Variants in DOCK2 observed in about 807,000 individuals in gnomAD.
DOCK2 encodes the protein dedicator of cytokinesis protein 2.
A neutral mutation model predicts 248.9 loss-of-function variants in DOCK2; 87 were observed. That is an observed-to-expected ratio of 0.35 (90% confidence interval 0.29 to 0.42). The LOEUF is 0.42. DOCK2 is among the 10% of genes least tolerant of loss of function. The probability of loss-of-function intolerance (pLI) is 1.00; values close to 1 mark genes in which losing one functional copy is unlikely to be tolerated. For synonymous variants in DOCK2, 805 were observed against 821.6 expected, an observed-to-expected ratio of 0.98 and a Z score of 0.35; for missense variants, 1,747 against 2,300.2, an observed-to-expected ratio of 0.76 and a Z score of 4.92.
intron 27 of DOCK2, among the ~76,000 whole-genome samples, chr5:169,945,917 G>A (rs949907461): frequency 1.2e-4 from 18 of 152,160 alleles, no homozygotes; most frequent in African/African-American, 1.9e-4. Flanking sequence ...CCAGAAAAGC[G>A]AGCATCCCCC....
At position 169,968,520 on chromosome 5, in the gene DOCK2, T is replaced by C. The variant is rs1012874664; in HGVS notation, c.2800-14548T>C. On this transcript the variant is annotated intron_variant, in intron 27 of 51. Transcript: ENST00000520908. ...TGGAAGAAACATTGGGGGGTCAATG[T>C]TCAGGGGGCCCAAGTGTTCTTCGAC... 3.9e-5 allele frequency among the ~76,000 whole-genome samples: 6 copies of C among 152,156 alleles called. No individual in the cohort carries two copies. The South Asian group carries it at 1.2e-3, about 32-fold the overall frequency.
intron 22 of DOCK2, among the ~76,000 whole-genome samples, chr5:169,744,363 A>C (rs1763491062): frequency 6.6e-6 from 1 of 152,188 alleles, no homozygotes; most frequent in African/African-American, 2.4e-5. Flanking sequence ...TATTTATAAG[A>C]TGGTGAAGCC....
intron 2 of DOCK2, among the ~76,000 whole-genome samples, chr5:169,665,409 T>A (rs1377623200): frequency 6.7e-6 from 1 of 150,230 alleles, no homozygotes; most frequent in Non-Finnish European, 1.5e-5. Flanking sequence ...AACTTATATA[T>A]GTGTGTGTAT....
chr5:170,016,591 T>G (rs1346291233), intron 32 of DOCK2, among the ~76,000 whole-genome samples: 3 of 152,242 alleles, frequency 2.0e-5, no homozygotes, highest in African/African-American at 7.2e-5. Context: ...CAACTGACTG[T>G]AAAGAATGCA....
chr5:169,705,956 C>G (rs1354787030), intron 14 of DOCK2, among the ~76,000 whole-genome samples: 1 of 152,178 alleles, frequency 6.6e-6, no homozygotes, highest in Non-Finnish European at 1.5e-5. Context: ...AATTGGGGGC[C>G]ATGGGGATAG....
At chr5:170,058,979 C>G (rs1443351347) in intron 44 of DOCK2, among the ~76,000 whole-genome samples, 2 of 152,138 alleles carry the variant, frequency 1.3e-5, no homozygotes, top group Non-Finnish European at 2.9e-5. Flanking sequence ...TATGCATGAT[C>G]TCATTTCAAC....
intron 38 of DOCK2, among the ~76,000 whole-genome samples, 175 bp from the exon 39 acceptor site, chr5:170,045,641 G>A (rs1297216588): frequency 6.6e-6 from 1 of 152,178 alleles, no homozygotes; most frequent in Non-Finnish European, 1.5e-5. Flanking sequence ...AGAGGCCAGA[G>A]GAAGGTCGTC....
chr5:169,800,655 C>A (rs2113116698), intron 25 of DOCK2, among the ~76,000 whole-genome samples: 1 of 152,312 alleles, frequency 6.6e-6, no homozygotes, highest in African/African-American at 2.4e-5. Flanking sequence ...CTGAAGCATT[C>A]AATTTGTTTT....
chr5:169,679,529 T>G (rs1004636048), intron 6 of DOCK2, among the ~76,000 whole-genome samples: 11 of 152,186 alleles, frequency 7.2e-5, no homozygotes, highest in Admixed American at 6.5e-5. Context: ...TAGCCAGACC[T>G]AGGAGAATGT....
chr5:170,057,223 A>G (rs763549291), intron 43 of DOCK2: 12 of 389,580 alleles, frequency 3.1e-5, no homozygotes, highest in Non-Finnish European at 5.8e-5. Context: ...TGGCCTGGAC[A>G]GTAATTCTTA....
At chr5:169,776,766 T>C (rs1053682574) in intron 25 of DOCK2, among the ~76,000 whole-genome samples, 2 of 152,210 alleles carry the variant, frequency 1.3e-5, no homozygotes, top group African/African-American at 4.8e-5. Flanking sequence ...CCCCCTTTGC[T>C]CGCCACGCAT....
intron 44 of DOCK2, among the ~76,000 whole-genome samples, chr5:170,059,854 T>C (rs1450024346): frequency 6.6e-6 from 1 of 152,234 alleles, no homozygotes; most frequent in African/African-American, 2.4e-5. Flanking sequence ...TTGGCTTGTT[T>C]CTTTCATCCC....
intron 17 of DOCK2, 124 bp downstream of exon 17, chr5:169,712,347 T>C: frequency 1.3e-6 from 1 of 757,610 alleles, no homozygotes. Context: ...TTACCAACTT[T>C]GTGGCCTCTT....
At chr5:169,858,121 C>T (rs892474097) in intron 27 of DOCK2, among the ~76,000 whole-genome samples, 1 of 152,170 alleles carries the variant, frequency 6.6e-6, no homozygotes, top group African/African-American at 2.4e-5. Flanking sequence ...TTTATTTCTG[C>T]AATGAGTATT....
intron 26 of DOCK2, among the ~76,000 whole-genome samples, chr5:169,824,108 A>G (rs1008382658): frequency 5.9e-5 from 9 of 152,154 alleles, no homozygotes; most frequent in Non-Finnish European, 1.3e-4. Context: ...ACCACTGCTC[A>G]ATGAAATAAA....
At chr5:169,702,493 A>C (rs915039485) in intron 14 of DOCK2, 66 bp downstream of exon 14, 32 of 1,593,830 alleles carry the variant, frequency 2.0e-5, no homozygotes, top group Non-Finnish European at 1.5e-5. Flanking sequence ...GTAAAGACGT[A>C]CTTTTCCTCT....
chr5:169,884,100 T>C, intron 27 of DOCK2: 1 of 419,206 alleles, frequency 2.4e-6, no homozygotes. Flanking sequence ...TGTAATGCTT[T>C]CCCTGCAGTT....
chr5:169,674,554 T>C, intron 6 of DOCK2, 109 bp downstream of exon 6: 1 of 1,509,950 alleles, frequency 6.6e-7, no homozygotes, highest in Admixed American at 1.9e-5. Context: ...TGTCACTTTC[T>C]GTTTGGGAGA....
At chr5:170,037,488 T>TC (rs1320470826) in intron 36 of DOCK2, among the ~76,000 whole-genome samples, 1 of 150,930 alleles carries the variant, frequency 6.6e-6, no homozygotes, top group East Asian at 1.9e-4. Flanking sequence ...AAATTTTTTT[T>TC]TTTTTTTTTT....
Sources: gnomAD v4.1 joint callset for allele counts (sites outside exome capture counted in the v4.1 genomes callset) on GRCh38, gnomAD v4.1.1 for gene constraint, MANE v1.5 for transcripts, NCBI Gene and HGNC (gene_info 2026-07-23, HGNC 2026-07-21) for gene names.